The following ADAMTS3 variants were observed in gnomAD, a reference collection of about 807,000 sequenced individuals.
ADAMTS3 encodes the protein ADAM metallopeptidase with thrombospondin type 1 motif 3, also known as A disintegrin and metalloproteinase with thrombospondin motifs 3.
Under a neutral mutation model 129.0 loss-of-function variants are expected in ADAMTS3, and 73 were observed. The observed-to-expected ratio is 0.57, with a 90% CI of 0.47 to 0.69. The LOEUF (loss-of-function observed/expected upper bound fraction) is 0.69, where lower values mean the gene tolerates loss of function less well. ADAMTS3 is among the 30% of genes least tolerant of loss of function. The probability of loss-of-function intolerance (pLI) is 0.00; values close to 1 mark genes in which losing one functional copy is unlikely to be tolerated. For synonymous variants in ADAMTS3, 477 were observed against 510.8 expected (o/e 0.93, Z 0.89); for missense variants, 1,457 against 1,514.5 (o/e 0.96, Z 0.63).
chr4:72,308,412 T>C (rs1206509167), intron 15 of ADAMTS3, among the ~76,000 whole-genome samples: 3 of 151,988 alleles, frequency 2.0e-5, no homozygotes, highest in Non-Finnish European at 2.9e-5. Flanking sequence ...GGATGAAGAC[T>C]AACTTTTTTA....
intron 5 of ADAMTS3, among the ~76,000 whole-genome samples, chr4:72,323,829 A>G (rs899745742): frequency 4.6e-5 from 7 of 152,204 alleles, no homozygotes; most frequent in African/African-American, 1.4e-4. Flanking sequence ...AGATGTTGGA[A>G]TAAGTGCAAC....
intron 4 of ADAMTS3, among the ~76,000 whole-genome samples, chr4:72,408,155 A>T (rs1722097262): frequency 6.6e-6 from 1 of 152,090 alleles, no homozygotes. Context: ...TTGACAGTAA[A>T]CTCATGTAAA....
chr4:72,566,231 T>A (rs1722017330), intron 2 of ADAMTS3, among the ~76,000 whole-genome samples: 1 of 152,210 alleles, frequency 6.6e-6, no homozygotes, highest in Non-Finnish European at 1.5e-5. Flanking sequence ...AGCATTTTGA[T>A]ATATGCTCAT....
intron 3 of ADAMTS3, among the ~76,000 whole-genome samples, chr4:72,523,783 A>G (rs985696519): frequency 6.6e-6 from 1 of 152,112 alleles, no homozygotes; most frequent in Non-Finnish European, 1.5e-5. Context: ...AGATCATACG[A>G]AAAGATGAAA....
chr4:72,460,696 A>G (rs908881896), intron 3 of ADAMTS3, among the ~76,000 whole-genome samples: 2 of 151,620 alleles, frequency 1.3e-5, no homozygotes, highest in African/African-American at 4.8e-5. Flanking sequence ...TGTGTCAGAA[A>G]GAAGAAATGG....
chr4:72,398,896 G>T (rs1721797828), intron 4 of ADAMTS3, among the ~76,000 whole-genome samples: 3 of 152,146 alleles, frequency 2.0e-5, no homozygotes, highest in Admixed American at 6.5e-5. Flanking sequence ...TCATTACACA[G>T]TCTGGGTTTG....
chr4:72,437,890 C>T (rs1717993860), intron 3 of ADAMTS3, among the ~76,000 whole-genome samples: 1 of 151,700 alleles, frequency 6.6e-6, no homozygotes, highest in Non-Finnish European at 1.5e-5. Flanking sequence ...AAAATACACG[C>T]AGTTTTGGGA....
intron 5 of ADAMTS3, among the ~76,000 whole-genome samples, chr4:72,331,280 G>A (rs775520241): frequency 6.6e-6 from 1 of 152,092 alleles, no homozygotes; most frequent in Non-Finnish European, 1.5e-5. Context: ...GATGCAATCT[G>A]TCTCTGTGAT....
In ADAMTS3 at chr4:72,380,831, A is replaced by G. The variant is rs1236936631; in HGVS notation, c.661+33984T>C. On this transcript the variant is annotated intron_variant, in intron 4 of 21. Transcript: ENST00000286657. ...GAAACAAATTCCATAGAAATACATCATCTTGACATCTTAGTAAAGTGCTTA... is the reference window on the plus strand; with the variant it reads ...GAAACAAATTCCATAGAAATACATCGTCTTGACATCTTAGTAAAGTGCTTA... 2.0e-5 allele frequency among the ~76,000 whole-genome samples: 3 copies of G among 152,180 alleles called. No homozygotes were observed. In the South Asian group the frequency reaches 6.2e-4, roughly 31 times the overall value.
At position 72,548,628 on chromosome 4, in the gene ADAMTS3, C is replaced by T; in HGVS notation, c.354G>A (p.Gly118=). The T allele has an allele frequency of 1.9e-6, 3 of 1,613,960 alleles. No individual in the cohort carries two copies. The highest frequency in any genetic ancestry group is 2.5e-6 in the Non-Finnish European group (3 of 1,179,918). The change falls in exon 3 of 22, where the codon GGG becomes GGA. Residue 118 remains glycine, a synonymous_variant. Coordinates refer to ENST00000286657, the MANE Select transcript of ADAMTS3 (RefSeq NM_014243.3). ...VEWHETSLVP[G]NITDPINNHQ... ...GGTTGTTAATGGGATCGGTTATATT[C>T]CCAGGCACCAGAGATGTCTCATGCC...
At chr4:72,334,807 T>C (rs1407124074) in intron 5 of ADAMTS3, among the ~76,000 whole-genome samples, 1 of 152,200 alleles carries the variant, frequency 6.6e-6, no homozygotes, top group Non-Finnish European at 1.5e-5. Context: ...TTAACATATA[T>C]GACAAATCTC....
At chr4:72,299,567 T>C (rs1019359701) in intron 17 of ADAMTS3, among the ~76,000 whole-genome samples, 1 of 152,160 alleles carries the variant, frequency 6.6e-6, no homozygotes, top group African/African-American at 2.4e-5. Context: ...TCTGATAGAC[T>C]GGTGAATGGT....
intron 4 of ADAMTS3, among the ~76,000 whole-genome samples, chr4:72,377,458 A>G (rs1721161909): frequency 6.6e-6 from 1 of 152,212 alleles, no homozygotes; most frequent in Non-Finnish European, 1.5e-5. Context: ...ATTACAGAAT[A>G]ACTCCACTTG....
chr4:72,558,237 G>T (rs1193705940), intron 2 of ADAMTS3, among the ~76,000 whole-genome samples: 1 of 151,820 alleles, frequency 6.6e-6, no homozygotes, highest in Non-Finnish European at 1.5e-5. Flanking sequence ...GAGAAACTGG[G>T]ACAGTCTACT....
intron 2 of ADAMTS3, among the ~76,000 whole-genome samples, chr4:72,561,201 T>A (rs568746965): frequency 6.6e-6 from 1 of 151,984 alleles, no homozygotes; most frequent in Non-Finnish European, 1.5e-5. Flanking sequence ...ATACAAAAAT[T>A]AGCCGGCGTG....
intron 4 of ADAMTS3, among the ~76,000 whole-genome samples, chr4:72,407,578 T>C (rs1455623817): frequency 6.6e-6 from 1 of 152,084 alleles, no homozygotes. Context: ...CATAGCAATT[T>C]GTAAAGCACA....
At chr4:72,519,726 G>C (rs1212116056) in intron 3 of ADAMTS3, among the ~76,000 whole-genome samples, 2 of 152,102 alleles carry the variant, frequency 1.3e-5, no homozygotes, top group African/African-American at 4.8e-5. Context: ...GGTTATTCTA[G>C]TTATACATTC....
chr4:72,287,349 G>A (rs1718532666), intron 21 of ADAMTS3, among the ~76,000 whole-genome samples: 1 of 151,764 alleles, frequency 6.6e-6, no homozygotes, highest in Admixed American at 6.6e-5. Flanking sequence ...GACAGGGAGA[G>A]AGAGAGAGGT....
chr4:72,392,856 T>A (rs923976338), intron 4 of ADAMTS3, among the ~76,000 whole-genome samples: 2 of 152,132 alleles, frequency 1.3e-5, no homozygotes, highest in African/African-American at 4.8e-5. Context: ...GAAAAGAAAT[T>A]TTGATGTACT....
Sources: gnomAD v4.1 joint callset for allele counts (sites outside exome capture counted in the v4.1 genomes callset) on GRCh38, gnomAD v4.1.1 for gene constraint, MANE v1.5 for transcripts, NCBI Gene and HGNC (gene_info 2026-07-23, HGNC 2026-07-21) for gene names.